The following KIF7 variants were observed in gnomAD, a reference collection of about 807,000 sequenced individuals.
KIF7 encodes the protein kinesin family member 7.
In KIF7, 104 loss-of-function variants were observed where a neutral mutation model predicts 135.7. That is an observed-to-expected ratio of 0.77 (90% CI 0.65 to 0.90). KIF7 has a LOEUF of 0.90. Among genes scored for constraint, KIF7 ranks in the 40% least tolerant of loss-of-function variants. The pLI, the probability that KIF7 is intolerant of heterozygous loss-of-function variation, is 0.00. For synonymous variants in KIF7, 883 were observed against 809.4 expected (o/e 1.09, Z -1.54); for missense variants, 2,005 against 1,839.1 (o/e 1.09, Z -1.65).
In KIF7 at chr15:89,646,964, T is replaced by G; in HGVS notation, c.1654A>C (p.Asn552His). Residue 552 changes from asparagine (N) to histidine (H), a missense_variant, in exon 7 of 19, where the codon AAT becomes CAT. Physicochemically the swap from Asn to His is moderately conservative, Grantham distance 68 (BLOSUM62 1). Transcript: ENST00000394412. ...RPGWGGPRLL[N>H]GLPPGSFVPR... ...ACAAAGGACCCGGGAGGCAGGCCAT[T>G]CAGGAGCCGCGGGCCCCCCCAGCCT... 6.2e-7 allele frequency: 1 copy of G among 1,613,346 alleles called. No homozygotes were observed. Among genetic ancestry groups the G allele is most frequent in the Non-Finnish European group, 8.5e-7 (1 of 1,179,776 alleles).
Position 89,647,666 on chromosome 15 carries a change from G to A in KIF7, c.1490C>T (p.Ala497Val), listed in dbSNP as rs201380238. The change falls in exon 6 of 19, where the codon GCG (alanine) becomes GTG (valine). Residue 497 changes from alanine to valine, a missense_variant. Coordinates refer to ENST00000394412, the MANE Select transcript of KIF7 (RefSeq NM_198525.3). ...GTCTCGGTTCTCCTCCTCCAGCCGC[G>A]CCACCTGGTTCTGCAGGGTCAGCAG... is the stretch of plus-strand genomic sequence containing the variant. ...QQLLTLQNQV[A>V]RLEEENRDFL... The A allele has an allele frequency of 3.7e-6, 6 of 1,608,752 alleles. No homozygotes were observed. Among genetic ancestry groups the A allele is most frequent in the East Asian group, 2.2e-5 (1 of 44,802 alleles).
Position 89,645,172 on chromosome 15 carries a change from C to G in KIF7, c.2039-7G>C, listed in dbSNP as rs1276080515. 5.6e-6 allele frequency: 9 copies of G among 1,604,622 alleles called. No individual in the cohort carries two copies. Among genetic ancestry groups the G allele is most frequent in the Non-Finnish European group, 7.6e-6 (9 of 1,179,968 alleles). ...GCCTTGCTCCCACCAACTGCTGCAA[C>G]AGGCAGCCTGTCAAGGTTGCTGCCC... is the stretch of plus-strand genomic sequence containing the variant. On this transcript the variant is annotated splice_polypyrimidine_tract_variant and splice_region_variant and intron_variant, in intron 9 of 18. Coordinates refer to ENST00000394412, the MANE Select transcript of KIF7 (RefSeq NM_198525.3).
At chr15:89,652,248 A>G (rs1964135525) in intron 2 of KIF7, among the ~76,000 whole-genome samples, 1 of 152,130 alleles carries the variant, frequency 6.6e-6, no homozygotes, top group Non-Finnish European at 1.5e-5. Flanking sequence ...CCCATTCCCA[A>G]CTGCTCCAGC....
At position 89,628,249 on chromosome 15, in the gene KIF7, G is replaced by A; in HGVS notation, c.*170C>T. The A allele has an allele frequency of 1.4e-6, 1 of 712,872 alleles. No individual in the cohort carries two copies. The highest frequency in any genetic ancestry group is 2.3e-6 in the Non-Finnish European group (1 of 436,870). The allele number at this position is 712,872 out of a possible 1,614,324, so 44.2% of individuals were successfully genotyped here. On this transcript the variant is annotated 3_prime_UTR_variant, in exon 19 of 19. Coordinates refer to ENST00000394412, the MANE Select transcript of KIF7 (RefSeq NM_198525.3). The stretch of plus-strand genomic sequence containing the variant: ...TTGCATATTATTTTGTTAAATGAGG[G>A]TCCAGTTCTTTTGGGCCATGGCCCA...
chr15:89,638,720 C>T (rs1373882333), intron 11 of KIF7, among the ~76,000 whole-genome samples: 10 of 151,448 alleles, frequency 6.6e-5, no homozygotes, highest in Admixed American at 2.6e-4. Context: ...CCATACTGCC[C>T]AAGGTAATTT....
Position 89,649,198 on chromosome 15 carries a change from G to T in KIF7, c.699C>A (p.Ser233Arg). 1 of 1,546,196 alleles carries T rather than the reference G, an allele frequency of 6.5e-7. No homozygotes were observed. The highest frequency in any genetic ancestry group is 8.7e-7 in the Non-Finnish European group (1 of 1,145,876). ...GGCCCGGGGCGGGGCGGGGTAGGCG[G>T]CTGGGGGCGCGCCCCCGCTGCTCCA... The part of the protein sequence containing the change: ...VTLEQRGRAP[S>R]RLPRPAPGQL... Residue 233 changes from serine (S) to arginine (R), a missense_variant, in exon 4 of 19, where the codon AGC (serine) becomes AGA (arginine). Transcript: ENST00000394412.
intron 15 of KIF7, 83 bp from the exon 16 acceptor site, chr15:89,630,576 T>G (rs1963652643): frequency 6.0e-6 from 7 of 1,166,072 alleles, no homozygotes; most frequent in Middle Eastern, 2.7e-4. Context: ...AGCCAACACG[T>G]AGCCACAACT....
chr15:89,662,994 T>A, the KIF7 span, among the ~76,000 whole-genome samples: 1 of 152,102 alleles, frequency 6.6e-6, no homozygotes. Flanking sequence ...CAGGGCTGGG[T>A]GAAGGAACTG....
intron 1 of KIF7, among the ~76,000 whole-genome samples, chr15:89,620,897 G>GTATT (rs1239200001): frequency 6.6e-6 from 1 of 150,462 alleles, no homozygotes; most frequent in Non-Finnish European, 1.5e-5. Context: ...TAAATTTTTT[G>GTATT]TATTTTTAGT....
intron 2 of KIF7, 56 bp from the exon 3 acceptor site, chr15:89,649,997 C>T: frequency 1.3e-6 from 2 of 1,519,868 alleles, no homozygotes; most frequent in Non-Finnish European, 1.8e-6. Flanking sequence ...CCCATGGCCC[C>T]CAGGCCCGGA....
At chr15:89,654,914 T>A (rs936391165) in intron 1 of KIF7, among the ~76,000 whole-genome samples, 1 of 152,236 alleles carries the variant, frequency 6.6e-6, no homozygotes, top group African/African-American at 2.4e-5. Flanking sequence ...CAATACCGTG[T>A]GGGCCTTCGC....
intron 7 of KIF7, among the ~76,000 whole-genome samples, chr15:89,646,451 C>T (rs1964014344): frequency 6.6e-6 from 1 of 152,120 alleles, no homozygotes; most frequent in African/African-American, 2.4e-5. Flanking sequence ...CAAGGTTCCC[C>T]ACGTGGAAAA....
chr15:89,628,493 G>A lies in KIF7; in HGVS notation c.3958C>T (p.Pro1320Ser), dbSNP rs1301660180. ...GEAGLPWNFG[P>S]LSKPRRELRR... ...AGTTCCCGCCGGGGCTTGGACAAAG[G>A]CCCAAAGTTCCAGGGCAGGCCTGCC... The change falls in exon 19 of 19, where the codon CCT becomes TCT. Residue 1320 changes from proline to serine, a missense_variant. Transcript: ENST00000394412. 6 of 1,612,582 alleles carry A rather than the reference G, an allele frequency of 3.7e-6. No individual in the cohort carries two copies. In the African/African-American group the frequency reaches 6.7e-5, roughly 18 times the overall value.
In KIF7 at chr15:89,628,965, C is replaced by T. The variant is rs745522633; in HGVS notation, c.3664+11G>A. On this transcript the variant is annotated intron_variant, in intron 18 of 18. Transcript: ENST00000394412. The stretch of plus-strand genomic sequence containing the variant: ...GAACAGGTCTGACTTCAGAGCGCGA[C>T]GAGGAGTTACCCCTGCTGTGGCCTA... The T allele has an allele frequency of 1.1e-5, 18 of 1,613,740 alleles. No homozygotes were observed. The South Asian group carries it at 1.2e-4, about 11-fold the overall frequency.
Position 89,652,964 on chromosome 15 carries a change from G to A in KIF7, c.-24-10C>T, listed in dbSNP as rs934198597. 42 of 1,463,248 alleles carry A rather than the reference G, an allele frequency of 2.9e-5. No individual in the cohort carries two copies. In the African/African-American group the frequency reaches 5.2e-4, roughly 18 times the overall value. The allele number at this position is 1,463,248 out of a possible 1,614,324, so 90.6% of individuals were successfully genotyped here. The stretch of plus-strand genomic sequence containing the variant: ...AGGACTGCTCTGGGCCCTGTGGAGA[G>A]AGAGAGAAGCCCTGGCCATCAGCAC... On this transcript the variant is annotated splice_polypyrimidine_tract_variant and intron_variant, in intron 1 of 18. Transcript: ENST00000394412.
intron 11 of KIF7, among the ~76,000 whole-genome samples, chr15:89,638,055 A>G (rs1567061957): frequency 9.5e-6 from 1 of 105,628 alleles, no homozygotes; most frequent in African/African-American, 3.3e-5. Context: ...TATAAACAGA[A>G]CCAAAGACAA....
intron 1 of KIF7, among the ~76,000 whole-genome samples, chr15:89,621,750 T>C (rs895967691): frequency 6.6e-6 from 1 of 152,070 alleles, no homozygotes; most frequent in Non-Finnish European, 1.5e-5. Flanking sequence ...GAAGCCACGG[T>C]GGGGGCGGTG....
intron 14 of KIF7, 59 bp from the exon 15 acceptor site, chr15:89,631,769 C>A: frequency 7.0e-7 from 1 of 1,419,004 alleles, no homozygotes; most frequent in Non-Finnish European, 9.6e-7. Flanking sequence ...ACAGGGGGGA[C>A]AGAAAGGGCC....
chr15:89,645,755 C>A, intron 8 of KIF7, 138 bp downstream of exon 8: 1 of 1,228,166 alleles, frequency 8.1e-7, no homozygotes, highest in Non-Finnish European at 1.1e-6. Context: ...CAGGGGCTGG[C>A]CAGGGCAACA....
Sources: gnomAD v4.1 joint callset for allele counts (sites outside exome capture counted in the v4.1 genomes callset) on GRCh38, gnomAD v4.1.1 for gene constraint, MANE v1.5 for transcripts, NCBI Gene and HGNC (gene_info 2026-07-23, HGNC 2026-07-21) for gene names.